ZFYVE9: variants seen among roughly 807,000 people sequenced by gnomAD.
ZFYVE9 encodes zinc finger FYVE-type containing 9.
ZFYVE9 carries 43 observed loss-of-function variants against 126.7 expected under a neutral mutation model. That is an observed-to-expected ratio of 0.34 (90% CI 0.27 to 0.44). The LOEUF (loss-of-function observed/expected upper bound fraction) is 0.44, where lower values mean the gene tolerates loss of function less well. Among genes scored for constraint, ZFYVE9 ranks in the 20% least tolerant of loss-of-function variants. The pLI is 1.00. For missense variants in ZFYVE9, 1,476 were observed against 1,697.0 expected, an observed-to-expected ratio of 0.87 and a Z score of 2.29; for synonymous variants, 521 against 597.4, an observed-to-expected ratio of 0.87 and a Z score of 1.87.
chr1:52,244,071 A>G (rs1489947884), intron 4 of ZFYVE9, among the ~76,000 whole-genome samples: 17 of 152,252 alleles, frequency 1.1e-4, no homozygotes, highest in Non-Finnish European at 7.3e-5. Flanking sequence ...GAAAGGGACC[A>G]TTGGACTTGG....
chr1:52,247,890 T>C (rs1645404326), intron 4 of ZFYVE9, among the ~76,000 whole-genome samples: 1 of 152,294 alleles, frequency 6.6e-6, no homozygotes, highest in Admixed American at 6.5e-5. Flanking sequence ...TGAATTTCAC[T>C]ATTCTAGGTA....
At chr1:52,185,950 C>G (rs1226917283) in intron 1 of ZFYVE9, among the ~76,000 whole-genome samples, 2 of 140,160 alleles carry the variant, frequency 1.4e-5, no homozygotes, top group Non-Finnish European at 1.5e-5. Context: ...TGATAAAATT[C>G]AATATCCTGG....
chr1:52,212,222 G>A (rs542346215), intron 1 of ZFYVE9, among the ~76,000 whole-genome samples: 1 of 152,258 alleles, frequency 6.6e-6, no homozygotes, highest in Non-Finnish European at 1.5e-5. Context: ...ACAGCTCACT[G>A]CAACCTCCAC....
intron 10 of ZFYVE9, among the ~76,000 whole-genome samples, chr1:52,292,224 A>G (rs1392828128): frequency 6.8e-6 from 1 of 147,194 alleles, no homozygotes; most frequent in Admixed American, 6.9e-5. Context: ...CAGATGCTGC[A>G]TTGAGCCAAG....
intron 17 of ZFYVE9, among the ~76,000 whole-genome samples, chr1:52,342,492 G>A (rs145715722): frequency 0.072 from 10,840 of 149,524 alleles, 543 homozygotes; most frequent in Non-Finnish European, 0.11. Flanking sequence ...GGATGGTCTC[G>A]ATCTCCTGAC....
chr1:52,156,771 G>A (rs921590766), intron 1 of ZFYVE9, among the ~76,000 whole-genome samples: 3 of 151,974 alleles, frequency 2.0e-5, no homozygotes, highest in African/African-American at 7.2e-5. Context: ...CCAATATCAA[G>A]TCAGACTCTG....
chr1:52,229,322 G>A (rs1218986160), intron 2 of ZFYVE9, among the ~76,000 whole-genome samples: 1 of 152,188 alleles, frequency 6.6e-6, no homozygotes, highest in Non-Finnish European at 1.5e-5. Flanking sequence ...ATTGGAAAGT[G>A]CATAATGTCA....
intron 1 of ZFYVE9, among the ~76,000 whole-genome samples, chr1:52,168,224 T>TTTTTTTTTTTTTTTTTTTTTTTTTC: frequency 6.9e-6 from 1 of 144,830 alleles, no homozygotes; most frequent in Non-Finnish European, 1.5e-5. Flanking sequence ...CTTTTTTTTT[T>TTTTTTTTTTTTTTTTTTTTTTTTTC]TTTTTTTTTT....
chr1:52,241,935 C>T (rs1250533292), intron 4 of ZFYVE9, among the ~76,000 whole-genome samples: 1 of 151,154 alleles, frequency 6.6e-6, no homozygotes, highest in Admixed American at 6.6e-5. Flanking sequence ...CCCTTTACTG[C>T]AACAAGCATA....
At position 52,233,156 on chromosome 1, in the gene ZFYVE9, G is replaced by A. The variant is rs115150786; in HGVS notation, c.-36-15G>A. The A allele has an allele frequency of 2.8e-3, 3,309 of 1,164,126 alleles. 60 individuals are homozygous for A. In the African/African-American group the frequency reaches 0.044, roughly 16 times the overall value. 72.1% of individuals were successfully genotyped at this position (1,164,126 alleles called of 1,614,324 possible). A position where few individuals can be genotyped will look rare whatever the true frequency, so the allele number is the denominator to read the frequency against. On this transcript the variant is annotated splice_polypyrimidine_tract_variant and intron_variant, in intron 2 of 18. Coordinates refer to ENST00000287727, the MANE Select transcript of ZFYVE9 (RefSeq NM_004799.4). ...ATTTTAATAATTCAAAATGTAATAC[G>A]CATTTACTTTTTAGGTTTAAACAAG...
chr1:52,183,713 C>T (rs1466647477), intron 1 of ZFYVE9, among the ~76,000 whole-genome samples: 4 of 152,162 alleles, frequency 2.6e-5, no homozygotes, highest in Non-Finnish European at 5.9e-5. Context: ...ACCATGTTGC[C>T]CAGGCTGGTC....
chr1:52,285,732 A>G (rs960573168), intron 10 of ZFYVE9, among the ~76,000 whole-genome samples: 6 of 152,194 alleles, frequency 3.9e-5, no homozygotes, highest in Admixed American at 1.3e-4. Flanking sequence ...AATAATAGAA[A>G]TAAGGTGCAC....
At chr1:52,195,137 T>C (rs1179191959) in intron 1 of ZFYVE9, among the ~76,000 whole-genome samples, 4 of 152,258 alleles carry the variant, frequency 2.6e-5, no homozygotes, top group Non-Finnish European at 5.9e-5. Flanking sequence ...ATAGTGTTTA[T>C]ATGTTATTAA....
intron 1 of ZFYVE9, among the ~76,000 whole-genome samples, chr1:52,152,364 T>C (rs1274623958): frequency 4.6e-5 from 7 of 152,176 alleles, no homozygotes; most frequent in Admixed American, 4.6e-4. Flanking sequence ...CCTTTACTGA[T>C]GTAGGTCAAC....
In ZFYVE9 at chr1:52,340,151, T is replaced by C. The variant is rs753787078; in HGVS notation, c.3859T>C (p.Ser1287Pro). ...KGVVSPIDGK[S>P]METITNVKIF... Reference sequence around the variant, plus strand: ...TGTCGTAAGTCCTATAGATGGGAAGTCCATGGAGACTATAACAAATGTGAA... The same window carrying C: ...TGTCGTAAGTCCTATAGATGGGAAGCCCATGGAGACTATAACAAATGTGAA... The change falls in exon 17 of 19, where the codon TCC becomes CCC. Residue 1287 changes from serine to proline, a missense_variant. Ser to Pro is a moderately conservative substitution (Grantham distance 74). Transcript: ENST00000287727. 2.5e-6 allele frequency: 4 copies of C among 1,613,656 alleles called. No individual in the cohort carries two copies. In the African/African-American group the frequency reaches 5.3e-5, roughly 22 times the overall value.
chr1:52,324,021 T>G (rs1473875304), intron 13 of ZFYVE9, among the ~76,000 whole-genome samples: 1 of 150,662 alleles, frequency 6.6e-6, no homozygotes, highest in Admixed American at 6.6e-5. Flanking sequence ...ATTGTGCCAT[T>G]GCACTCCAGC....
At chr1:52,249,033 T>C (rs1645417969) in intron 4 of ZFYVE9, among the ~76,000 whole-genome samples, 1 of 152,204 alleles carries the variant, frequency 6.6e-6, no homozygotes. Flanking sequence ...CTTGCTGTTC[T>C]CATAATAGTG....
At chr1:52,272,645 T>C (rs989609151) in intron 7 of ZFYVE9, among the ~76,000 whole-genome samples, 1 of 151,754 alleles carries the variant, frequency 6.6e-6, no homozygotes, top group African/African-American at 2.4e-5. Flanking sequence ...TTGGCTATTA[T>C]GAATGAAATG....
chr1:52,315,675 T>C (rs1441676061), intron 13 of ZFYVE9, among the ~76,000 whole-genome samples: 2 of 151,496 alleles, frequency 1.3e-5, no homozygotes, highest in Non-Finnish European at 2.9e-5. Context: ...TAAAATGGAA[T>C]CATAAAAGAA....
Sources: gnomAD v4.1 joint callset for allele counts (sites outside exome capture counted in the v4.1 genomes callset) on GRCh38, gnomAD v4.1.1 for gene constraint, MANE v1.5 for transcripts, NCBI Gene and HGNC (gene_info 2026-07-23, HGNC 2026-07-21) for gene names.